Variants in MAX observed in about 807,000 individuals in gnomAD.
The protein encoded by MAX is MYC associated transcriptional regulator X.
Under a neutral mutation model 22.3 loss-of-function variants are expected in MAX, and 3 were observed. The ratio of observed to expected loss-of-function variants is 0.13; its 90% CI spans 0.06 to 0.35. The LOEUF (loss-of-function observed/expected upper bound fraction) is 0.35. MAX is among the 10% of genes least tolerant of loss of function. The probability of loss-of-function intolerance (pLI) is 1.00; values close to 1 mark genes in which losing one functional copy is unlikely to be tolerated. For synonymous variants in MAX, 72 were observed against 77.7 expected (o/e 0.93, Z 0.39); for missense variants, 119 against 209.4 (o/e 0.57, Z 2.66).
At chr14:65,021,898 G>A (rs566958083) in intron 3 of MAX, 39 of 455,470 alleles carry the variant, frequency 8.6e-5, no homozygotes, top group Non-Finnish European at 1.3e-4. Context: ...CGCCCACGTC[G>A]GCCTCCCAAA....
Position 65,075,405 on chromosome 14 carries a change from G to A in MAX, c.*1071C>T. ...GATCACACAATGGAGACAGGTTCCA[G>A]GACAGTAGGAAAGGAAGTGGGATGA... On this transcript the variant is annotated 3_prime_UTR_variant, in exon 5 of 5. Transcript: ENST00000358664. This position sits in a 1 kb window ranked among gnomAD's most constrained non-coding sequence, Gnocchi z 4.1. 2.8e-6 allele frequency: 3 copies of A among 1,063,324 alleles called. No homozygotes were observed. Among genetic ancestry groups the A allele is most frequent in the African/African-American group, 1.6e-5 (1 of 61,012 alleles). The allele number at this position is 1,063,324 out of a possible 1,614,324, so 65.9% of individuals were successfully genotyped here.
At chr14:65,058,268 TC>T (rs2062786321) in intron 3 of MAX, among the ~76,000 whole-genome samples, 1 of 151,292 alleles carries the variant, frequency 6.6e-6, no homozygotes, top group Non-Finnish European at 1.5e-5. Context: ...TTTTTTTTTT[TC>T]GGTTAGAGTT....
intron 3 of MAX, among the ~76,000 whole-genome samples, chr14:65,063,733 T>G (rs1715893753): frequency 6.6e-6 from 1 of 152,002 alleles, no homozygotes; most frequent in African/African-American, 2.4e-5. Context: ...GCTAGCTAAT[T>G]TTTGTATTTT....
At chr14:65,064,592 T>C (rs1465358504) in intron 3 of MAX, among the ~76,000 whole-genome samples, 2 of 152,180 alleles carry the variant, frequency 1.3e-5, no homozygotes, top group African/African-American at 4.8e-5. Context: ...GCGAGTATCA[T>C]TGTGTTTCAC....
rs1004092084 is a variant in MAX, at chr14:65,054,457, C to T, written c.171+39251G>A. On this transcript the variant is annotated intron_variant, in intron 3 of 3. Coordinates refer to the MAX transcript ENST00000341653. The surrounding 1 kb of genome is among the most constrained non-coding windows in gnomAD (Gnocchi z 4.4). The stretch of plus-strand genomic sequence containing the variant: ...CTGGGAAAACCATGCCTCCTCTAGC[C>T]ACATGGAGGATGGGGGGGGACGTGT... 4 of 1,033,338 alleles carry T rather than the reference C, an allele frequency of 3.9e-6. No individual in the cohort carries two copies. Among genetic ancestry groups the T allele is most frequent in the Non-Finnish European group, 5.6e-6 (4 of 707,982 alleles). The allele number at this position is 1,033,338 out of a possible 1,614,324, so 64.0% of individuals were successfully genotyped here. A position where few individuals can be genotyped will look rare whatever the true frequency, so the allele number is the denominator to read the frequency against.
At chr14:65,010,919 A>G in intron 3 of MAX, among the ~76,000 whole-genome samples, 1 of 152,320 alleles carries the variant, frequency 6.6e-6, no homozygotes, top group Middle Eastern at 3.4e-3. Context: ...AACTTGAATT[A>G]AAATTGAATT....
chr14:65,086,576 A>G (rs1007664442), intron 3 of MAX, among the ~76,000 whole-genome samples: 1 of 152,222 alleles, frequency 6.6e-6, no homozygotes, highest in Non-Finnish European at 1.5e-5. Flanking sequence ...TACGCTAGAG[A>G]TAAGTGGAAC....
In MAX at chr14:65,011,402, C is replaced by T. The variant is rs2061680657; in HGVS notation, c.172-5118G>A. Among the ~76,000 whole-genome samples the T allele has an allele frequency of 7.1e-6, 1 of 140,900 alleles. No individual in the cohort carries two copies. Among genetic ancestry groups the T allele is most frequent in the Non-Finnish European group, 1.5e-5 (1 of 67,250 alleles). The allele number at this position is 140,900 out of a possible 152,430, so 92.4% of individuals were successfully genotyped here. Reference sequence around the variant, plus strand: ...TGAAATCACACCACTGCACTCCAGCCTGGGTGACAGAGCGAGACTCCGTCT... The same window carrying T: ...TGAAATCACACCACTGCACTCCAGCTTGGGTGACAGAGCGAGACTCCGTCT... On this transcript the variant is annotated intron_variant, in intron 3 of 3. Coordinates refer to the MAX transcript ENST00000341653. This position sits in a 1 kb window ranked among gnomAD's most constrained non-coding sequence, Gnocchi z 4.0.
chr14:65,072,070 T>C (rs115853099), downstream of MAX, among the ~76,000 whole-genome samples: 2,622 of 152,290 alleles, frequency 0.017, 67 homozygotes, highest in African/African-American at 0.059. Flanking sequence ...TTTTCCTACC[T>C]GGGTTTCCTC....
rs182825787 is a variant in MAX at position 65,017,508 on chromosome 14, T to C, written c.172-11224A>G. Among the ~76,000 whole-genome samples the C allele has an allele frequency of 3.6e-3, 542 of 152,274 alleles. 2 individuals are homozygous for C. The highest frequency in any genetic ancestry group is 0.013 in the African/African-American group (524 of 41,540). On this transcript the variant is annotated intron_variant, in intron 3 of 3. Coordinates refer to the MAX transcript ENST00000341653. ...CGACTGAGTTTTTTTCTAGGCTGTGTACTTGGTGTTTTATAGTGAAGGCTT... is the reference window on the plus strand; with the variant it reads ...CGACTGAGTTTTTTTCTAGGCTGTGCACTTGGTGTTTTATAGTGAAGGCTT...
Position 65,032,652 on chromosome 14 carries a change from C to T in MAX, c.172-26368G>A, listed in dbSNP as rs758888828. 2 of 1,613,864 alleles carry T rather than the reference C, an allele frequency of 1.2e-6. No individual in the cohort carries two copies. The highest frequency in any genetic ancestry group is 1.3e-5 in the African/African-American group (1 of 74,916). On this transcript the variant is annotated intron_variant, in intron 3 of 3. Transcript: ENST00000341653. This position sits in a 1 kb window ranked among gnomAD's most constrained non-coding sequence, Gnocchi z 5.0. The stretch of plus-strand genomic sequence containing the variant: ...CCTCCGTAGCCTCGCTGACCAACAT[C>T]ATCACTCCAGACCTCTTTGAGGGCA...
rs61121169 is a variant in MAX, at chr14:65,079,728, C to G, written c.172-1692G>C. The stretch of plus-strand genomic sequence containing the variant: ...ACATGTACACCGTGGCTAGCAAAAC[C>G]AGATCTACTCATATTAAATCCTAAC... On this transcript the variant is annotated intron_variant, in intron 3 of 4. Transcript: ENST00000358664. The surrounding 1 kb of genome is among the most constrained non-coding windows in gnomAD (Gnocchi z 4.5). Among the ~76,000 whole-genome samples the G allele has an allele frequency of 6.6e-6, 1 of 151,896 alleles. No individual in the cohort carries two copies. The highest frequency in any genetic ancestry group is 1.5e-5 in the Non-Finnish European group (1 of 67,984).
Position 65,029,770 on chromosome 14 carries a change from C to A in MAX, c.172-23486G>T, listed in dbSNP as rs2062045409. On this transcript the variant is annotated intron_variant, in intron 3 of 3. Coordinates refer to the MAX transcript ENST00000341653. The surrounding 1 kb of genome is among the most constrained non-coding windows in gnomAD (Gnocchi z 4.7). ...ACAGGCTGGGAACAGGCTACAGAGG[C>A]CCTGAAATCTCCTATGGAGTCTGGA... Among the ~76,000 whole-genome samples, 1 of 152,084 alleles carries A rather than the reference C, an allele frequency of 6.6e-6. No individual in the cohort carries two copies. Among genetic ancestry groups the A allele is most frequent in the Non-Finnish European group, 1.5e-5 (1 of 68,004 alleles).
chr14:65,014,347 TAGTC>T lies in MAX; in HGVS notation c.172-8067_172-8064del, dbSNP rs1252172241. 1.3e-5 allele frequency among the ~76,000 whole-genome samples: 2 copies of T among 152,182 alleles called. No homozygotes were observed. The highest frequency in any genetic ancestry group is 6.5e-5 in the Admixed American group (1 of 15,278). ...CCTTTCCTAGCTCCCCAGGCAGAATTAGTCAGTCTCTTCCACGTGCTCCCTCAAA... is the reference window on the plus strand; with the variant it reads ...CCTTTCCTAGCTCCCCAGGCAGAATTAGTCTCTTCCACGTGCTCCCTCAAA... On this transcript the variant is annotated intron_variant, in intron 3 of 3. Coordinates refer to the MAX transcript ENST00000341653. This position sits in a 1 kb window ranked among gnomAD's most constrained non-coding sequence, Gnocchi z 5.1.
chr14:65,037,769 TTTA>T, intron 3 of MAX, among the ~76,000 whole-genome samples: 1 of 144,228 alleles, frequency 6.9e-6, no homozygotes. Context: ...TATTTATTTA[TTTA>T]TTTATTTATT....
rs1010609631 is a variant in MAX at position 65,078,937 on chromosome 14, C to T, written c.172-901G>A. 7.9e-5 allele frequency among the ~76,000 whole-genome samples: 12 copies of T among 152,158 alleles called. No homozygotes were observed. In the East Asian group the frequency reaches 9.6e-4, roughly 12 times the overall value. On this transcript the variant is annotated intron_variant, in intron 3 of 4. Coordinates refer to ENST00000358664, the MANE Select transcript of MAX (RefSeq NM_002382.5). This position sits in a 1 kb window ranked among gnomAD's most constrained non-coding sequence, Gnocchi z 6.4. ...GAACCCAAGGATCAGAGAAGTACAC[C>T]GCTTTATTCAAAATCACCAGCTGCA...
At chr14:65,061,584 C>T (rs2062866282) in intron 3 of MAX, 1 of 358,918 alleles carries the variant, frequency 2.8e-6, no homozygotes, top group East Asian at 5.1e-5. Context: ...AGGAAGCAGT[C>T]CCTCCTCACC....
At chr14:65,015,410 CTTTTTTTT>C (rs888923691) in intron 3 of MAX, 32 of 155,764 alleles carry the variant, frequency 2.1e-4, no homozygotes, top group Admixed American at 3.4e-4. Flanking sequence ...GCCTTGTTAT[CTTTTTTTT>C]TTTTTTTTTT....
chr14:65,034,077 C>T (rs1242575323), intron 3 of MAX, among the ~76,000 whole-genome samples: 1 of 152,052 alleles, frequency 6.6e-6, no homozygotes, highest in Non-Finnish European at 1.5e-5. Context: ...CATGAATGTA[C>T]TTATGAATTC....
Sources: allele counts gnomAD v4.1 joint callset (sites outside exome capture counted in the v4.1 genomes callset), GRCh38; gene constraint gnomAD v4.1.1; non-coding constraint Gnocchi (gnomAD v3.1); transcripts MANE v1.5; gene names NCBI Gene and HGNC (gene_info 2026-07-23, HGNC 2026-07-21).